Variants in CLEC16A observed in about 807,000 individuals in gnomAD.
CLEC16A encodes C-type lectin domain containing 16A, also known as protein CLEC16A.
CLEC16A carries 51 observed loss-of-function variants against 109.5 expected under a neutral mutation model. The observed-to-expected ratio is 0.47, with a 90% CI of 0.37 to 0.59. The LOEUF (loss-of-function observed/expected upper bound fraction) is 0.59. CLEC16A is among the 20% of genes least tolerant of loss of function. The pLI, the probability that CLEC16A is intolerant of heterozygous loss-of-function variation, is 0.00. For missense variants in CLEC16A, 1,339 were observed against 1,394.0 expected, an observed-to-expected ratio of 0.96 and a Z score of 0.63; for synonymous variants, 673 against 564.2, an observed-to-expected ratio of 1.19 and a Z score of -2.73.
chr16:11,005,789 T>G (rs1567184746), intron 11 of CLEC16A, among the ~76,000 whole-genome samples: 1 of 152,176 alleles, frequency 6.6e-6, no homozygotes, highest in Non-Finnish European at 1.5e-5. Context: ...TCATTCACAT[T>G]GCATACCAGA....
In CLEC16A at chr16:11,120,679, G is replaced by A; in HGVS notation, c.2181G>A (p.Leu727=). 1 of 1,612,750 alleles carries A rather than the reference G, an allele frequency of 6.2e-7. No homozygotes were observed. Among genetic ancestry groups the A allele is most frequent in the Non-Finnish European group, 8.5e-7 (1 of 1,179,426 alleles). ...TKDGGMVQRF[L]AVDIYQMSLV... ...ATGGCGGCATGGTCCAGCGATTCCT[G>A]GCTGTGGATATTTACCAGATGAGTT... The change falls in exon 20 of 24, where the codon CTG becomes CTA. Residue 727 remains leucine (L), a synonymous_variant. Transcript: ENST00000409790.
intron 19 of CLEC16A, among the ~76,000 whole-genome samples, chr16:11,110,947 C>T (rs1490097666): frequency 6.6e-6 from 1 of 152,192 alleles, no homozygotes; most frequent in Non-Finnish European, 1.5e-5. Flanking sequence ...CTTTTCTCCT[C>T]TTCCTTCCCA....
chr16:10,980,038 T>G (rs1429656827), intron 9 of CLEC16A, among the ~76,000 whole-genome samples: 1 of 152,252 alleles, frequency 6.6e-6, no homozygotes, highest in Non-Finnish European at 1.5e-5. Flanking sequence ...GTCCAGACTC[T>G]CAGGGCATCT....
intron 19 of CLEC16A, among the ~76,000 whole-genome samples, chr16:11,107,073 G>A (rs2051268310): frequency 1.3e-5 from 2 of 152,236 alleles, no homozygotes; most frequent in Non-Finnish European, 2.9e-5. Context: ...AGAGGCGGCA[G>A]AGGCCCGGAC....
intron 21 of CLEC16A, among the ~76,000 whole-genome samples, chr16:11,124,761 A>T (rs1201550418): frequency 6.6e-6 from 1 of 152,020 alleles, no homozygotes; most frequent in Non-Finnish European, 1.5e-5. Flanking sequence ...CTACCTGGGG[A>T]TGTGGGGGTG....
intron 11 of CLEC16A, among the ~76,000 whole-genome samples, chr16:11,019,755 G>A (rs939487357): frequency 6.8e-6 from 1 of 147,092 alleles, no homozygotes; most frequent in Non-Finnish European, 1.5e-5. Context: ...GGTGACAAGA[G>A]CGAGACTCTG....
rs2054227347 is a variant in CLEC16A, at chr16:11,149,906, A to G, written c.2642-16482A>G. The G allele has an allele frequency of 3.3e-5, 5 of 152,132 alleles. No individual in the cohort carries two copies. The South Asian group carries it at 1.0e-3, about 32-fold the overall frequency. The allele number at this position is 152,132 out of a possible 1,614,324, so 9.4% of individuals were successfully genotyped here. A position where few individuals can be genotyped will look rare whatever the true frequency, so the allele number is the denominator to read the frequency against. On this transcript the variant is annotated intron_variant, in intron 22 of 23. Transcript: ENST00000409790. ...TCCAGACCCTTCTCTGTGCAGTTGC[A>G]TTTCATACATGTGCCAGAGCTGATG... is the stretch of plus-strand genomic sequence containing the variant.
At chr16:11,088,175 C>T (rs1326924720) in intron 19 of CLEC16A, among the ~76,000 whole-genome samples, 1 of 152,206 alleles carries the variant, frequency 6.6e-6, no homozygotes, top group Non-Finnish European at 1.5e-5. Flanking sequence ...TTGACTGGGC[C>T]CTTGCTGAAT....
At position 11,028,819 on chromosome 16, in the gene CLEC16A, T is replaced by A. The variant is rs547895921; in HGVS notation, c.1537+3898T>A. 3.7e-4 allele frequency among the ~76,000 whole-genome samples: 57 copies of A among 152,358 alleles called. No individual in the cohort carries two copies. The South Asian group carries it at 0.012, about 32-fold the overall frequency. ...AAACCTTTCTTCTCTATGACTTTAA[T>A]GCTATAAATTTCCCTGTAAGCACTG... On this transcript the variant is annotated intron_variant, in intron 13 of 23. Coordinates refer to ENST00000409790, the MANE Select transcript of CLEC16A (RefSeq NM_015226.3).
intron 3 of CLEC16A, among the ~76,000 whole-genome samples, chr16:10,966,068 C>T (rs114775993): frequency 0.014 from 2,201 of 152,188 alleles, 48 homozygotes; most frequent in African/African-American, 0.05. Context: ...CCAGCAAGAG[C>T]CAGAATGACA....
At chr16:11,124,420 T>C (rs79274759) in intron 21 of CLEC16A, among the ~76,000 whole-genome samples, 3,883 of 152,236 alleles carry the variant, frequency 0.026, 67 homozygotes, top group Middle Eastern at 0.061. Flanking sequence ...TACCCCTTCC[T>C]CCTTCCCCTT....
rs540062552 is a variant in CLEC16A, at chr16:10,962,204, C to T, written c.210-251C>T. Among the ~76,000 whole-genome samples, 14 of 152,256 alleles carry T rather than the reference C, an allele frequency of 9.2e-5. No homozygotes were observed. The South Asian group carries it at 2.9e-3, about 32-fold the overall frequency. ...CCTCAAGCGATCATCCTGCCTCAGC[C>T]TCCCAAAGTACTGGGATTGCAGGCA... On this transcript the variant is annotated intron_variant, in intron 2 of 23. Transcript: ENST00000409790.
At chr16:11,137,587 TA>T (rs5815617) in intron 22 of CLEC16A, among the ~76,000 whole-genome samples, 3,248 of 59,238 alleles carry the variant, frequency 0.055, 44 homozygotes, top group Middle Eastern at 0.11. Context: ...AGACTCCATC[TA>T]AAAAAAAAAA....
intron 13 of CLEC16A, among the ~76,000 whole-genome samples, chr16:11,034,699 A>G (rs2046927458): frequency 6.6e-6 from 1 of 152,238 alleles, no homozygotes; most frequent in African/African-American, 2.4e-5. Flanking sequence ...GGAAGCCAGA[A>G]TGAGCTAGTG....
chr16:11,119,956 T>G (rs56201114), intron 19 of CLEC16A, among the ~76,000 whole-genome samples: 3 of 90,528 alleles, frequency 3.3e-5, no homozygotes, highest in Non-Finnish European at 6.8e-5. Context: ...GTTGTTTTGT[T>G]TTGTGTTGTG....
intron 19 of CLEC16A, among the ~76,000 whole-genome samples, chr16:11,063,254 T>A (rs1233451541): frequency 6.6e-6 from 1 of 150,792 alleles, no homozygotes; most frequent in Non-Finnish European, 1.5e-5. Flanking sequence ...TATTGTTGGT[T>A]TATTTGGTTT....
intron 22 of CLEC16A, among the ~76,000 whole-genome samples, chr16:11,154,230 C>T (rs569686837): frequency 6.6e-6 from 1 of 152,312 alleles, no homozygotes; most frequent in South Asian, 2.1e-4. Flanking sequence ...GAGGGATGGA[C>T]TTAGAGTAGA....
At chr16:11,032,284 G>A (rs994755231) in intron 13 of CLEC16A, among the ~76,000 whole-genome samples, 1 of 152,230 alleles carries the variant, frequency 6.6e-6, no homozygotes, top group Non-Finnish European at 1.5e-5. Context: ...TCTGCAGGGG[G>A]TGGCACAGGC....
At chr16:11,088,120 C>G (rs1481621936) in intron 19 of CLEC16A, among the ~76,000 whole-genome samples, 1 of 152,268 alleles carries the variant, frequency 6.6e-6, no homozygotes, top group Non-Finnish European at 1.5e-5. Flanking sequence ...CAGCCCCAGT[C>G]CCTCAGTGCG....
Sources: allele counts gnomAD v4.1 joint callset (sites outside exome capture counted in the v4.1 genomes callset), GRCh38; gene constraint gnomAD v4.1.1; transcripts MANE v1.5; gene names NCBI Gene and HGNC (gene_info 2026-07-23, HGNC 2026-07-21).